Variants in DPP6 observed in about 807,000 individuals in gnomAD.
DPP6 encodes dipeptidyl peptidase like 6.
Under a neutral mutation model 122.6 loss-of-function variants are expected in DPP6, and 69 were observed. That is an observed-to-expected ratio of 0.56 (90% CI 0.46 to 0.69). DPP6 has a LOEUF of 0.69. Among genes scored for constraint, DPP6 ranks in the 30% least tolerant of loss-of-function variants. The probability of loss-of-function intolerance (pLI) is 0.00; values close to 1 mark genes in which losing one functional copy is unlikely to be tolerated. For synonymous variants in DPP6, 418 were observed against 433.1 expected, an observed-to-expected ratio of 0.97 and a Z score of 0.43; for missense variants, 928 against 1,116.9, an observed-to-expected ratio of 0.83 and a Z score of 2.41.
chr7:154,612,169 C>T (rs1046692218), intron 5 of DPP6, among the ~76,000 whole-genome samples: 56 of 152,092 alleles, frequency 3.7e-4, no homozygotes, highest in African/African-American at 1.3e-3. Flanking sequence ...TCCAGACCTG[C>T]GAGCCAATAG....
At chr7:154,185,800 A>G (rs1353494270) in intron 1 of DPP6, among the ~76,000 whole-genome samples, 1 of 152,216 alleles carries the variant, frequency 6.6e-6, no homozygotes, top group Non-Finnish European at 1.5e-5. Context: ...TAGGCTTTTA[A>G]AGATGAGATA....
intron 1 of DPP6, among the ~76,000 whole-genome samples, chr7:153,917,498 C>T (rs1338454400): frequency 6.6e-6 from 1 of 152,190 alleles, no homozygotes; most frequent in Non-Finnish European, 1.5e-5. Flanking sequence ...GTTCCCTCTT[C>T]CCTGGCCACT....
intron 1 of DPP6, among the ~76,000 whole-genome samples, chr7:153,903,659 A>C (rs1799731108): frequency 6.6e-6 from 1 of 152,216 alleles, no homozygotes; most frequent in African/African-American, 2.4e-5. Flanking sequence ...CTGAGGTTGC[A>C]TTAAGAGCAT....
intron 1 of DPP6, among the ~76,000 whole-genome samples, chr7:154,086,620 CTT>C (rs1177763713): frequency 1.0e-4 from 14 of 136,526 alleles, no homozygotes; most frequent in Non-Finnish European, 7.8e-5. Context: ...AGAGCTTACT[CTT>C]TTTTTTTTTT....
At chr7:153,904,536 G>C (rs1322176983) in intron 1 of DPP6, among the ~76,000 whole-genome samples, 2 of 152,194 alleles carry the variant, frequency 1.3e-5, no homozygotes, top group Non-Finnish European at 2.9e-5. Flanking sequence ...TGGTAACAGT[G>C]AGCACTTTGA....
At chr7:154,361,863 C>T (rs1181122359) in intron 1 of DPP6, among the ~76,000 whole-genome samples, 1 of 152,214 alleles carries the variant, frequency 6.6e-6, no homozygotes, top group African/African-American at 2.4e-5. Flanking sequence ...TAGTAGGTAA[C>T]TTGCCCAAAG....
chr7:154,833,216 G>A lies in DPP6; in HGVS notation c.1667-20564G>A, dbSNP rs1800768597. Reference sequence around the variant, plus strand: ...CAGTGCAGAAGAGTGAGGGTCCCGGGGTCCCAGTGCCCTGCCAGCATATTG... The same window carrying A: ...CAGTGCAGAAGAGTGAGGGTCCCGGAGTCCCAGTGCCCTGCCAGCATATTG... On this transcript the variant is annotated intron_variant, in intron 16 of 25. Coordinates refer to ENST00000377770, the MANE Select transcript of DPP6 (RefSeq NM_130797.4). The surrounding 1 kb of genome is among the most constrained non-coding windows in gnomAD (Gnocchi z 4.3). Among the ~76,000 whole-genome samples, 1 of 152,186 alleles carries A rather than the reference G, an allele frequency of 6.6e-6. No individual in the cohort carries two copies. Among genetic ancestry groups the A allele is most frequent in the Admixed American group, 6.5e-5 (1 of 15,282 alleles).
In DPP6 at chr7:154,570,740, A is replaced by G. The variant is rs535161408; in HGVS notation, c.627+3824A>G. Among the ~76,000 whole-genome samples the G allele has an allele frequency of 3.3e-5, 5 of 152,332 alleles. No individual in the cohort carries two copies. The East Asian group carries it at 9.6e-4, about 29-fold the overall frequency. On this transcript the variant is annotated intron_variant, in intron 5 of 25. Transcript: ENST00000377770. ...GCTTGGCTAGCATCCTTGAACATAC[A>G]CAAGTTAGCTCATCTTAACTATGCC...
chr7:153,920,588 A>AG (rs1800593166), intron 1 of DPP6, among the ~76,000 whole-genome samples: 1 of 2,890 alleles, frequency 3.5e-4, no homozygotes, highest in Non-Finnish European at 7.4e-4. Context: ...TTTGAGATGG[A>AG]GTCTCACTCT....
At chr7:153,776,166 A>G in the DPP6 span, among the ~76,000 whole-genome samples, 1 of 152,254 alleles carries the variant, frequency 6.6e-6, no homozygotes, top group South Asian at 2.1e-4. Context: ...TTCAAGATGT[A>G]TTTTATAACC....
chr7:154,579,484 A>G (rs1448928261), intron 5 of DPP6, among the ~76,000 whole-genome samples: 1 of 152,284 alleles, frequency 6.6e-6, no homozygotes, highest in Non-Finnish European at 1.5e-5. Flanking sequence ...AGAAATAAGA[A>G]TTAGTGAAAT....
intron 3 of DPP6, among the ~76,000 whole-genome samples, chr7:154,519,872 T>A (rs1348755908): frequency 6.6e-6 from 1 of 152,254 alleles, no homozygotes; most frequent in Non-Finnish European, 1.5e-5. Flanking sequence ...CTTTCAGAGA[T>A]CTGAGTGCCG....
chr7:154,831,524 C>G (rs967848044), intron 16 of DPP6, among the ~76,000 whole-genome samples: 5 of 152,190 alleles, frequency 3.3e-5, no homozygotes, highest in Non-Finnish European at 7.3e-5. Context: ...GTGCTAATTT[C>G]TACTGCAATT....
intron 16 of DPP6, among the ~76,000 whole-genome samples, chr7:154,825,314 G>C (rs1042643327): frequency 6.6e-6 from 1 of 152,192 alleles, no homozygotes; most frequent in Admixed American, 6.5e-5. Flanking sequence ...TTTTTAAACT[G>C]CTCTGTATGT....
intron 4 of DPP6, among the ~76,000 whole-genome samples, chr7:154,557,415 G>A (rs73163100): frequency 0.16 from 25,045 of 152,084 alleles, 2,312 homozygotes; most frequent in Non-Finnish European, 0.21. Context: ...GTGTTATTGC[G>A]TATCAGCCCC....
At chr7:154,365,559 A>G (rs943974029) in intron 1 of DPP6, among the ~76,000 whole-genome samples, 7 of 152,194 alleles carry the variant, frequency 4.6e-5, no homozygotes, top group East Asian at 1.9e-4. Context: ...AGCGTGGTCC[A>G]TTTATGCTCA....
At chr7:154,175,562 C>T (rs1358563596) in intron 1 of DPP6, among the ~76,000 whole-genome samples, 1 of 152,142 alleles carries the variant, frequency 6.6e-6, no homozygotes, top group Admixed American at 6.5e-5. Flanking sequence ...TACAGCCACT[C>T]TATGCTGGAC....
intron 1 of DPP6, among the ~76,000 whole-genome samples, chr7:154,088,137 A>G (rs1804560696): frequency 6.6e-6 from 1 of 152,162 alleles, no homozygotes; most frequent in African/African-American, 2.4e-5. Flanking sequence ...CTGCCCCAGC[A>G]CCATTGGCTG....
At chr7:153,782,742 T>C in the DPP6 span, among the ~76,000 whole-genome samples, 4 of 152,268 alleles carry the variant, frequency 2.6e-5, no homozygotes, top group East Asian at 1.9e-4. Context: ...GTACCATTAG[T>C]GGTGTGAGTG....
Sources: allele counts gnomAD v4.1 joint callset (sites outside exome capture counted in the v4.1 genomes callset), GRCh38; gene constraint gnomAD v4.1.1; non-coding constraint Gnocchi (gnomAD v3.1); transcripts MANE v1.5; gene names NCBI Gene and HGNC (gene_info 2026-07-23, HGNC 2026-07-21).